Variants in PIEZO2 observed in about 807,000 individuals in gnomAD.
The protein encoded by PIEZO2 is piezo-type mechanosensitive ion channel component 2.
PIEZO2 carries 172 observed loss-of-function variants against 337.3 expected under a neutral mutation model. The observed-to-expected ratio is 0.51, with a 90% CI of 0.45 to 0.58. The LOEUF (loss-of-function observed/expected upper bound fraction) is 0.58. Among genes scored for constraint, PIEZO2 ranks in the 20% least tolerant of loss-of-function variants. The pLI, the probability that PIEZO2 is intolerant of heterozygous loss-of-function variation, is 0.00. For missense variants in PIEZO2, 3,028 were observed against 3,391.3 expected, an observed-to-expected ratio of 0.89 and a Z score of 2.66; for synonymous variants, 1,251 against 1,228.5, an observed-to-expected ratio of 1.02 and a Z score of -0.38.
Position 10,810,840 on chromosome 18 carries a change from G to A in PIEZO2, c.918-3566C>T, listed in dbSNP as rs551928483. Among the ~76,000 whole-genome samples, 53 of 152,174 alleles carry A rather than the reference G, an allele frequency of 3.5e-4. 1 individual carries two copies. The South Asian group carries it at 0.011, about 30-fold the overall frequency. On this transcript the variant is annotated intron_variant, in intron 7 of 55. Transcript: ENST00000674853. ...TTCATAGACTCTCTGATACCTCTTAGGATAACACCAGCCCCCAACTCCAAC... is the reference window on the plus strand; with the variant it reads ...TTCATAGACTCTCTGATACCTCTTAAGATAACACCAGCCCCCAACTCCAAC...
intron 2 of PIEZO2, among the ~76,000 whole-genome samples, chr18:11,026,239 C>A (rs550233122): frequency 1.4e-4 from 21 of 152,278 alleles, no homozygotes; most frequent in Non-Finnish European, 2.8e-4. Flanking sequence ...ATGTTTCACA[C>A]ATTATTTCTA....
At position 10,767,235 on chromosome 18, in the gene PIEZO2, C is replaced by A. The variant is rs529677133; in HGVS notation, c.2946+2913G>T. The stretch of plus-strand genomic sequence containing the variant: ...TAGATTATTCCAAAGCAGTGTCACT[C>A]CTGAATAAGATGCTGATGGAAAATA... On this transcript the variant is annotated intron_variant, in intron 21 of 55. Transcript: ENST00000674853. This position sits in a 1 kb window ranked among gnomAD's most constrained non-coding sequence, Gnocchi z 4.2. Among the ~76,000 whole-genome samples the A allele has an allele frequency of 3.3e-5, 5 of 152,174 alleles. No individual in the cohort carries two copies. The highest frequency in any genetic ancestry group is 7.3e-5 in the Non-Finnish European group (5 of 68,030).
At chr18:10,994,568 C>G (rs1362968493) in intron 2 of PIEZO2, among the ~76,000 whole-genome samples, 2 of 151,452 alleles carry the variant, frequency 1.3e-5, no homozygotes, top group Non-Finnish European at 2.9e-5. Context: ...TGCCACCATG[C>G]CTAATTTTTT....
chr18:11,039,526 T>C (rs1187521388), intron 2 of PIEZO2, among the ~76,000 whole-genome samples: 1 of 151,996 alleles, frequency 6.6e-6, no homozygotes, highest in Non-Finnish European at 1.5e-5. Context: ...GAATACTCCT[T>C]TCTCACTCTC....
chr18:10,710,942 C>T (rs2035796560), intron 39 of PIEZO2, among the ~76,000 whole-genome samples: 1 of 152,236 alleles, frequency 6.6e-6, no homozygotes, highest in African/African-American at 2.4e-5. Context: ...TCTGTCTCCC[C>T]TTTCTTTAGG....
intron 1 of PIEZO2, among the ~76,000 whole-genome samples, chr18:11,135,266 C>T (rs930779214): frequency 6.6e-6 from 1 of 152,146 alleles, no homozygotes; most frequent in African/African-American, 2.4e-5. Context: ...GTTCCTTTGA[C>T]TTCAGAGAAA....
At position 10,794,691 on chromosome 18, in the gene PIEZO2, T is replaced by C; in HGVS notation, c.1758+81A>G. 2.7e-6 allele frequency: 3 copies of C among 1,112,472 alleles called. No individual in the cohort carries two copies. The highest frequency in any genetic ancestry group is 2.5e-6 in the Non-Finnish European group (2 of 803,170). 68.9% of individuals were successfully genotyped at this position (1,112,472 alleles called of 1,614,324 possible). ...AGTGAATATTTGGAACCTGTTTTTA[T>C]AAGGTTTCTCTTGGATACGATTATG... On this transcript the variant is annotated intron_variant, in intron 13 of 55. Transcript: ENST00000674853. The surrounding 1 kb of genome is among the most constrained non-coding windows in gnomAD (Gnocchi z 6.6).
intron 2 of PIEZO2, among the ~76,000 whole-genome samples, chr18:11,056,310 C>CA (rs2037731461): frequency 6.6e-6 from 1 of 152,174 alleles, no homozygotes; most frequent in Non-Finnish European, 1.5e-5. Context: ...GTCAAGGAAA[C>CA]ACCTCCCAGC....
chr18:10,871,132 T>C, intron 5 of PIEZO2, 121 bp downstream of exon 5: 1 of 1,060,430 alleles, frequency 9.4e-7, no homozygotes, highest in Non-Finnish European at 1.3e-6. Context: ...AACGTTTATG[T>C]CAAGCACTGT....
At chr18:10,844,565 G>A (rs1201285450) in intron 7 of PIEZO2, among the ~76,000 whole-genome samples, 1 of 152,102 alleles carries the variant, frequency 6.6e-6, no homozygotes, top group Non-Finnish European at 1.5e-5. Flanking sequence ...GAGGTGGGTG[G>A]ATCACGAGGT....
At chr18:10,975,515 C>T (rs1439262548) in intron 3 of PIEZO2, among the ~76,000 whole-genome samples, 1 of 151,936 alleles carries the variant, frequency 6.6e-6, no homozygotes, top group Non-Finnish European at 1.5e-5. Flanking sequence ...TGTTAAGTTT[C>T]AGCTCTGCAC....
In PIEZO2 at chr18:10,787,182, C is replaced by A; in HGVS notation, c.2172G>T (p.Val724=). 6.7e-7 allele frequency: 1 copy of A among 1,502,624 alleles called. No homozygotes were observed. The highest frequency in any genetic ancestry group is 1.3e-5 in the South Asian group (1 of 77,986). The allele number at this position is 1,502,624 out of a possible 1,614,324, so 93.1% of individuals were successfully genotyped here. A position where few individuals can be genotyped will look rare whatever the true frequency, so the allele number is the denominator to read the frequency against. The stretch of plus-strand genomic sequence containing the variant: ...GAATTTTCCTCCACCATTCATAGTG[C>A]ACCTGCAAATCAGACATTGAAAAAA... ...LFLFCVALYQ[V]HYEWWRKILK... Residue 724 remains valine (V), a splice_region_variant and synonymous_variant, in exon 16 of 56, where the codon GTG becomes GTT. Transcript: ENST00000674853.
At chr18:11,103,314 G>C (rs1198537574) in intron 1 of PIEZO2, among the ~76,000 whole-genome samples, 1 of 152,122 alleles carries the variant, frequency 6.6e-6, no homozygotes, top group African/African-American at 2.4e-5. Context: ...TCAAACAGGT[G>C]ATCTGCTTGC....
chr18:11,057,617 G>A (rs1022863958), intron 2 of PIEZO2, among the ~76,000 whole-genome samples: 6 of 152,140 alleles, frequency 3.9e-5, no homozygotes, highest in Non-Finnish European at 7.4e-5. Context: ...GACTTCCCAG[G>A]GCCGCAGATA....
In PIEZO2 at chr18:10,677,756, T is replaced by C. The variant is rs750039791; in HGVS notation, c.8072A>G (p.Lys2691Arg). 7.5e-6 allele frequency: 12 copies of C among 1,609,058 alleles called. No homozygotes were observed. Among genetic ancestry groups the C allele is most frequent in the Non-Finnish European group, 1.0e-5 (12 of 1,178,886 alleles). The change falls in exon 53 of 56, where the codon AAA becomes AGA. Residue 2691 changes from lysine to arginine, a missense_variant. Lys to Arg is a conservative substitution (Grantham distance 26, BLOSUM62 2). This residue lies in a region of PIEZO2 where 332 missense variants were observed against 363.8 expected (regional missense o/e 0.91). Transcript: ENST00000674853. The surrounding 1 kb of genome is among the most constrained non-coding windows in gnomAD (Gnocchi z 4.1). ...MIAGNSTESS[K>R]TPVTIEKIYP... is the part of the protein sequence containing the mutation. ...GAAAAAATACACTTACACTGGTGTT[T>C]TTGAACTTTCTGTGCTGTTGCCTGC...
At chr18:10,725,224 A>G in intron 36 of PIEZO2, 2 of 1,565,840 alleles carry the variant, frequency 1.3e-6, no homozygotes, top group Non-Finnish European at 1.8e-6. Context: ...GAAGTTTGGA[A>G]CCTACGAACA....
In PIEZO2 at chr18:11,125,094, A is replaced by T. The variant is rs889839421; in HGVS notation, c.64+23431T>A. ...TTCCTCCTTTCATTTCTTCACATGTAAAATCTAGAGTCATACCCATTTCAC... is the reference window on the plus strand; with the variant it reads ...TTCCTCCTTTCATTTCTTCACATGTTAAATCTAGAGTCATACCCATTTCAC... On this transcript the variant is annotated intron_variant, in intron 1 of 55. Transcript: ENST00000674853. This position sits in a 1 kb window ranked among gnomAD's most constrained non-coding sequence, Gnocchi z 4.4. Among the ~76,000 whole-genome samples, 2 of 152,060 alleles carry T rather than the reference A, an allele frequency of 1.3e-5. No homozygotes were observed. Among genetic ancestry groups the T allele is most frequent in the Admixed American group, 6.6e-5 (1 of 15,256 alleles).
rs1018132743 is a variant in PIEZO2 at position 10,870,072 on chromosome 18, C to T, written c.492+1181G>A. Among the ~76,000 whole-genome samples, 7 of 152,134 alleles carry T rather than the reference C, an allele frequency of 4.6e-5. No individual in the cohort carries two copies. ...TGTATTTTTAGTAGAGACAGGGTTT[C>T]ACCATGTTGGCCAGGCTGGTCTCGA... On this transcript the variant is annotated intron_variant, in intron 5 of 55. Coordinates refer to ENST00000674853, the MANE Select transcript of PIEZO2 (RefSeq NM_001378183.1). The surrounding 1 kb of genome is among the most constrained non-coding windows in gnomAD (Gnocchi z 5.3).
At chr18:11,091,952 C>T (rs908181316) in intron 1 of PIEZO2, among the ~76,000 whole-genome samples, 1 of 152,168 alleles carries the variant, frequency 6.6e-6, no homozygotes, top group Non-Finnish European at 1.5e-5. Flanking sequence ...AATTTCCTGC[C>T]ACACGAGTCA....
Sources: allele counts gnomAD v4.1 joint callset (sites outside exome capture counted in the v4.1 genomes callset), GRCh38; gene constraint gnomAD v4.1.1; regional missense constraint gnomAD v4.1.1; non-coding constraint Gnocchi (gnomAD v3.1); transcripts MANE v1.5; gene names NCBI Gene and HGNC (gene_info 2026-07-23, HGNC 2026-07-21).